Variants in TXK observed in about 807,000 individuals in gnomAD.
The protein encoded by TXK is tyrosine-protein kinase TXK.
In TXK, 60 loss-of-function variants were observed where a neutral mutation model predicts 81.0. The ratio of observed to expected loss-of-function variants is 0.74; its 90% CI spans 0.60 to 0.92. TXK has a LOEUF of 0.92. TXK is among the 40% of genes least tolerant of loss of function. The probability of loss-of-function intolerance (pLI) is 0.00; values close to 1 mark genes in which losing one functional copy is unlikely to be tolerated. For missense variants in TXK, 581 were observed against 638.3 expected (o/e 0.91, Z 0.97); for synonymous variants, 203 against 210.7 (o/e 0.96, Z 0.32).
Position 48,110,442 on chromosome 4 carries a change from CT to C in TXK, c.446+95del, listed in dbSNP as rs61243590. On this transcript the variant is annotated intron_variant, in intron 5 of 14. Coordinates refer to ENST00000264316, the MANE Select transcript of TXK (RefSeq NM_003328.3). ...ATTATTAACGCTGTCAAATGTGTTA[CT>C]TTTTTTTCCTTCTACAGACCCAAAA... 3,938 of 812,960 alleles carry C rather than the reference CT, an allele frequency of 4.8e-3. 122 individuals carry two copies. In the African/African-American group the frequency reaches 0.062, roughly 13 times the overall value. The allele number at this position is 812,960 out of a possible 1,614,324, so 50.4% of individuals were successfully genotyped here. A position where few individuals can be genotyped will look rare whatever the true frequency, so the allele number is the denominator to read the frequency against.
At chr4:48,107,940 G>A (rs1377448012) in intron 5 of TXK, among the ~76,000 whole-genome samples, 2 of 149,050 alleles carry the variant, frequency 1.3e-5, no homozygotes, top group East Asian at 3.9e-4. Context: ...GCGTGGTGGC[G>A]GGCGCCTGTA....
At chr4:48,084,028 A>G (rs1717410835) in intron 10 of TXK, among the ~76,000 whole-genome samples, 1 of 152,214 alleles carries the variant, frequency 6.6e-6, no homozygotes, top group South Asian at 2.1e-4. Context: ...TTAAAAATAA[A>G]TATATTTGCA....
chr4:48,080,166 GTT>G, intron 10 of TXK, 38 bp from the exon 11 acceptor site: 1 of 1,510,146 alleles, frequency 6.6e-7, no homozygotes, highest in Non-Finnish European at 9.2e-7. Flanking sequence ...GCAGAATTGT[GTT>G]TGCATTTTTA....
intron 12 of TXK, 69 bp from the exon 13 acceptor site, chr4:48,074,122 A>C: frequency 8.1e-7 from 1 of 1,230,476 alleles, no homozygotes; most frequent in Non-Finnish European, 1.2e-6. Flanking sequence ...AAATCCCTTT[A>C]GTTAACTCTA....
chr4:48,076,191 G>C (rs1378401005), intron 12 of TXK, among the ~76,000 whole-genome samples: 1 of 152,072 alleles, frequency 6.6e-6, no homozygotes, highest in Non-Finnish European at 1.5e-5. Context: ...AAGATGAGAA[G>C]AATAGCCCAC....
At chr4:48,101,637 A>T (rs1718199768) in intron 6 of TXK, among the ~76,000 whole-genome samples, 2 of 152,112 alleles carry the variant, frequency 1.3e-5, no homozygotes, top group African/African-American at 4.8e-5. Flanking sequence ...TTTAAGATAC[A>T]TAGAAAAAAT....
At chr4:48,068,860 C>T (rs138673183) in intron 14 of TXK, among the ~76,000 whole-genome samples, 50 of 121,718 alleles carry the variant, frequency 4.1e-4, no homozygotes, top group African/African-American at 1.5e-3. Context: ...GAGCAGAAGA[C>T]AGCACAAGTG....
At chr4:48,071,924 A>T in intron 13 of TXK, among the ~76,000 whole-genome samples, 1 of 150,942 alleles carries the variant, frequency 6.6e-6, no homozygotes, top group Non-Finnish European at 1.5e-5. Context: ...TGCCTCTCCT[A>T]TCAGGAGAAA....
At chr4:48,094,674 G>A (rs998588521) in intron 7 of TXK, among the ~76,000 whole-genome samples, 2 of 152,138 alleles carry the variant, frequency 1.3e-5, no homozygotes, top group Non-Finnish European at 2.9e-5. Flanking sequence ...TCCCACTGAA[G>A]TGCAAAGAAG....
In TXK at chr4:48,114,980, C is replaced by CA. The variant is rs200951104; in HGVS notation, c.17-579dup. ...AGGTCATACCCTGCATACCCCAGACCAAAAAAATTAGACTGTCTGGGGAGG... is the reference window on the plus strand; with the variant it reads ...AGGTCATACCCTGCATACCCCAGACCAAAAAAAATTAGACTGTCTGGGGAGG... On this transcript the variant is annotated intron_variant, in intron 1 of 14. Coordinates refer to ENST00000264316, the MANE Select transcript of TXK (RefSeq NM_003328.3). Among the ~76,000 whole-genome samples the CA allele has an allele frequency of 6.6e-3, 995 of 151,358 alleles. 12 individuals are homozygous for CA. The highest frequency in any genetic ancestry group is 0.023 in the African/African-American group (937 of 41,330).
chr4:48,111,626 C>T (rs1467574836), intron 4 of TXK, among the ~76,000 whole-genome samples: 3 of 152,170 alleles, frequency 2.0e-5, no homozygotes, highest in Non-Finnish European at 4.4e-5. Context: ...AAGAGAGCCA[C>T]ATCATTGAGA....
At chr4:48,127,131 CTTTG>C (rs1336450457) in intron 1 of TXK, among the ~76,000 whole-genome samples, 1 of 152,184 alleles carries the variant, frequency 6.6e-6, no homozygotes, top group South Asian at 2.1e-4. Context: ...CAAACCACTG[CTTTG>C]TTTGTGGTTC....
At chr4:48,067,815 T>C in intron 14 of TXK, 110 bp from the exon 15 acceptor site, 1 of 1,059,378 alleles carries the variant, frequency 9.4e-7, no homozygotes, top group Non-Finnish European at 1.4e-6. Context: ...CTGCTCGAGG[T>C]CATCGCCAAG....
chr4:48,075,891 T>C (rs1717051535), intron 12 of TXK, among the ~76,000 whole-genome samples: 1 of 152,128 alleles, frequency 6.6e-6, no homozygotes. Context: ...TTCCCTGTGA[T>C]TATATTTCTA....
chr4:48,104,474 AT>A (rs1560355085), intron 6 of TXK, among the ~76,000 whole-genome samples: 11 of 960 alleles, frequency 0.011, 4 homozygotes, highest in African/African-American at 0.048. Flanking sequence ...AATATTATAT[AT>A]TATATATATA....
chr4:48,081,199 G>A (rs1717287350), intron 10 of TXK, among the ~76,000 whole-genome samples: 1 of 152,040 alleles, frequency 6.6e-6, no homozygotes, highest in East Asian at 1.9e-4. Flanking sequence ...TAGAGTAAGT[G>A]CAGAAAAGCA....
chr4:48,108,508 A>C (rs1013363916), intron 5 of TXK, among the ~76,000 whole-genome samples: 36 of 152,332 alleles, frequency 2.4e-4, no homozygotes, highest in African/African-American at 8.4e-4. Flanking sequence ...GGTTGTTCCC[A>C]TTTCTATACA....
chr4:48,067,625 TTC>T lies in TXK; in HGVS notation c.*10_*11del. ...TGCAAGATGACTCTTTGGGTTGGCA[TTC>T]TGTTTCCGGTCACCAGGTTTCCGCA... On this transcript the variant is annotated 3_prime_UTR_variant, in exon 15 of 15. Coordinates refer to ENST00000264316, the MANE Select transcript of TXK (RefSeq NM_003328.3). The T allele has an allele frequency of 6.2e-7, 1 of 1,613,902 alleles. No individual in the cohort carries two copies.
intron 1 of TXK, among the ~76,000 whole-genome samples, chr4:48,115,687 A>G (rs1718791707): frequency 1.3e-5 from 2 of 152,114 alleles, no homozygotes; most frequent in Admixed American, 1.3e-4. Context: ...TGTCTACCCC[A>G]AAAAACTTTT....
Sources: gnomAD v4.1 joint callset for allele counts (sites outside exome capture counted in the v4.1 genomes callset) on GRCh38, gnomAD v4.1.1 for gene constraint, MANE v1.5 for transcripts, NCBI Gene and HGNC (gene_info 2026-07-23, HGNC 2026-07-21) for gene names.